ASTN2: variants seen among roughly 807,000 people sequenced by gnomAD.
ASTN2 encodes astrotactin-2.
A neutral mutation model predicts 139.8 loss-of-function variants in ASTN2; 54 were observed. The ratio of observed to expected loss-of-function variants is 0.39; its 90% confidence interval spans 0.31 to 0.48. ASTN2 has a LOEUF of 0.48. ASTN2 is among the 20% of genes least tolerant of loss of function. The pLI, the probability that ASTN2 is intolerant of heterozygous loss-of-function variation, is 0.95. For synonymous variants in ASTN2, 756 were observed against 719.5 expected (o/e 1.05, Z -0.81); for missense variants, 1,565 against 1,725.1 (o/e 0.91, Z 1.64).
intron 4 of ASTN2, among the ~76,000 whole-genome samples, chr9:117,140,210 T>A (rs960676912): frequency 2.0e-5 from 3 of 152,090 alleles, no homozygotes; most frequent in African/African-American, 7.2e-5. Context: ...GAGCATGGCA[T>A]GGGAAACAGC....
intron 11 of ASTN2, among the ~76,000 whole-genome samples, chr9:116,827,314 A>C (rs7466476): frequency 2.5e-3 from 19 of 7,572 alleles, no homozygotes; most frequent in Non-Finnish European, 3.2e-3. Flanking sequence ...CATCCCCCCC[A>C]AAAAAAAAAA....
At chr9:117,340,473 AC>A (rs1426327563) in intron 1 of ASTN2, among the ~76,000 whole-genome samples, 1 of 151,570 alleles carries the variant, frequency 6.6e-6, no homozygotes, top group Non-Finnish European at 1.5e-5. Flanking sequence ...TTTTTCTGCC[AC>A]CTCTAAAGAA....
intron 10 of ASTN2, among the ~76,000 whole-genome samples, chr9:116,952,839 A>G (rs1835604236): frequency 6.6e-6 from 1 of 152,110 alleles, no homozygotes; most frequent in South Asian, 2.1e-4. Context: ...GAGGGGCCCA[A>G]TTACTTACTG....
intron 3 of ASTN2, among the ~76,000 whole-genome samples, chr9:117,183,087 A>G (rs1056432812): frequency 1.3e-5 from 2 of 152,214 alleles, no homozygotes; most frequent in Non-Finnish European, 2.9e-5. Context: ...ATTGAGGTCA[A>G]GTATCCCCTT....
At chr9:117,270,471 A>G (rs1834037772) in intron 2 of ASTN2, among the ~76,000 whole-genome samples, 2 of 152,192 alleles carry the variant, frequency 1.3e-5, no homozygotes, top group Admixed American at 1.3e-4. Flanking sequence ...GGTCACAGAG[A>G]CATTAAATGG....
At chr9:116,784,043 T>A (rs924642651) in intron 13 of ASTN2, among the ~76,000 whole-genome samples, 1 of 152,166 alleles carries the variant, frequency 6.6e-6, no homozygotes, top group Non-Finnish European at 1.5e-5. Flanking sequence ...AAAAATAGTA[T>A]GAGGACCATA....
At chr9:116,697,547 T>C in intron 16 of ASTN2, 1 of 682,338 alleles carries the variant, frequency 1.5e-6, no homozygotes, top group South Asian at 1.9e-5. Flanking sequence ...AATAAAATAG[T>C]TGTTAAGTAA....
chr9:116,687,203 C>T (rs1860279497), intron 16 of ASTN2: 3 of 1,015,002 alleles, frequency 3.0e-6, no homozygotes, highest in Non-Finnish European at 3.5e-6. Context: ...GCCGCCTTGC[C>T]CCGCGCGCTT....
chr9:117,251,105 T>C (rs566451331), intron 2 of ASTN2, among the ~76,000 whole-genome samples: 2 of 152,276 alleles, frequency 1.3e-5, no homozygotes, highest in South Asian at 4.1e-4. Flanking sequence ...GACAGCATCC[T>C]CGCTTTGCAG....
intron 12 of ASTN2, among the ~76,000 whole-genome samples, chr9:116,811,614 T>A (rs550723947): frequency 1.3e-5 from 2 of 152,212 alleles, no homozygotes; most frequent in Non-Finnish European, 2.9e-5. Context: ...ATGACCTTGA[T>A]CAAGTCTGCT....
At chr9:116,803,315 CTT>C (rs61653195) in intron 13 of ASTN2, among the ~76,000 whole-genome samples, 4 of 137,838 alleles carry the variant, frequency 2.9e-5, no homozygotes, top group Admixed American at 7.3e-5. Context: ...GATTTTTGTT[CTT>C]TTTTTTTTTT....
rs1279733453 is a variant in ASTN2 at position 117,016,689 on chromosome 9, A to G, written c.1424-8430T>C. Among the ~76,000 whole-genome samples the G allele has an allele frequency of 5.4e-4, 77 of 142,174 alleles. 2 individuals carry two copies. Among genetic ancestry groups the G allele is most frequent in the African/African-American group, 2.1e-3 (76 of 36,480 alleles). 93.3% of individuals were successfully genotyped at this position (142,174 alleles called of 152,430 possible). ...TATATGTTACATATATATAGGTTAT[A>G]TATATATGTTACATATATATAGGTT... is the stretch of plus-strand genomic sequence containing the variant. On this transcript the variant is annotated intron_variant, in intron 6 of 22. Transcript: ENST00000313400.
chr9:116,811,384 C>T (rs1391127085), intron 12 of ASTN2, among the ~76,000 whole-genome samples: 1 of 152,130 alleles, frequency 6.6e-6, no homozygotes, highest in African/African-American at 2.4e-5. Flanking sequence ...TGATTTTTTC[C>T]ATATCCAAGT....
At chr9:117,328,836 T>C (rs1305638667) in intron 1 of ASTN2, among the ~76,000 whole-genome samples, 1 of 152,188 alleles carries the variant, frequency 6.6e-6, no homozygotes, top group African/African-American at 2.4e-5. Context: ...TGAGAAGTGA[T>C]GGCAAATCCC....
intron 19 of ASTN2, among the ~76,000 whole-genome samples, chr9:116,500,522 C>T (rs929473611): frequency 2.0e-5 from 3 of 152,180 alleles, no homozygotes; most frequent in East Asian, 1.9e-4. Flanking sequence ...ACAAGGAACC[C>T]ACCCTTACTG....
At chr9:117,053,775 A>C (rs1030329031) in intron 5 of ASTN2, among the ~76,000 whole-genome samples, 1 of 152,196 alleles carries the variant, frequency 6.6e-6, no homozygotes, top group African/African-American at 2.4e-5. Flanking sequence ...CAGGCCAAAG[A>C]AGACTCTGTC....
At chr9:116,448,015 T>A (rs1848055139) in intron 20 of ASTN2, among the ~76,000 whole-genome samples, 1 of 151,954 alleles carries the variant, frequency 6.6e-6, no homozygotes, top group African/African-American at 2.4e-5. Context: ...TGACAGGGGG[T>A]AAGAGCAGGG....
At chr9:116,589,381 G>C (rs1312035868) in intron 19 of ASTN2, among the ~76,000 whole-genome samples, 1 of 152,212 alleles carries the variant, frequency 6.6e-6, no homozygotes, top group Non-Finnish European at 1.5e-5. Flanking sequence ...CTCATGTGCA[G>C]TGTTGATATG....
intron 1 of ASTN2, among the ~76,000 whole-genome samples, chr9:117,367,217 A>T (rs1185402226): frequency 6.6e-6 from 1 of 152,228 alleles, no homozygotes; most frequent in East Asian, 1.9e-4. Flanking sequence ...CAACAAAAAC[A>T]AGGCATACTA....
Sources: gnomAD v4.1 joint callset for allele counts (sites outside exome capture counted in the v4.1 genomes callset) on GRCh38, gnomAD v4.1.1 for gene constraint, MANE v1.5 for transcripts, NCBI Gene and HGNC (gene_info 2026-07-23, HGNC 2026-07-21) for gene names.